The following CSPG4 variants were observed in gnomAD, a reference collection of about 807,000 sequenced individuals.
The protein encoded by CSPG4 is chondroitin sulfate proteoglycan 4, also known as chondroitin sulfate proteoglycan 4 (melanoma-associated).
CSPG4 carries 74 observed loss-of-function variants against 139.3 expected under a neutral mutation model. The observed-to-expected ratio is 0.53, with a 90% CI of 0.44 to 0.64. The LOEUF is 0.64. Ranked by LOEUF, CSPG4 falls within the 30% of genes least tolerant of loss-of-function variation. The pLI, the probability that CSPG4 is intolerant of heterozygous loss-of-function variation, is 0.00. For missense variants in CSPG4, 2,565 were observed against 3,148.3 expected, an observed-to-expected ratio of 0.81 and a Z score of 4.43; for synonymous variants, 1,234 against 1,394.2, an observed-to-expected ratio of 0.89 and a Z score of 2.56.
Position 75,684,795 on chromosome 15 carries a change from C to A in CSPG4, c.4390G>T (p.Val1464Phe). ...TGGTCATTGACAGGCAGGACAGTGA[C>A]AGTGAAGGCCACAGGATGGCTCTGG... ...DRQSHPVAFT[V>F]TVLPVNDQPP... The change falls in exon 5 of 10, where the codon GTC becomes TTC. Residue 1464 changes from valine (V) to phenylalanine (F), a missense_variant. This residue lies in a region of CSPG4 where 2,316 missense variants were observed against 2,818.2 expected (regional missense o/e 0.82). Transcript: ENST00000308508. 6.2e-7 allele frequency: 1 copy of A among 1,613,684 alleles called. No individual in the cohort carries two copies. The highest frequency in any genetic ancestry group is 8.5e-7 in the Non-Finnish European group (1 of 1,179,894).
chr15:75,685,752 A>C, intron 3 of CSPG4, 51 bp from the exon 4 acceptor site: 1 of 1,534,890 alleles, frequency 6.5e-7, no homozygotes, highest in Non-Finnish European at 8.7e-7. Context: ...AGGGGGTCTC[A>C]GAGGGGTCCA....
In CSPG4 at chr15:75,675,124, AG is replaced by A. The variant is rs1893870845; in HGVS notation, c.*425del. On this transcript the variant is annotated 3_prime_UTR_variant, in exon 10 of 10. Coordinates refer to ENST00000308508, the MANE Select transcript of CSPG4 (RefSeq NM_001897.5). ...TGGCCTGGGTTGGAGTGGAAAAGCC[AG>A]GAATAGCTTCCTCTGTCCCTTCCCT... The A allele has an allele frequency of 6.1e-6, 2 of 326,074 alleles. No homozygotes were observed. The highest frequency in any genetic ancestry group is 1.1e-5 in the Non-Finnish European group (2 of 180,394). The allele number at this position is 326,074 out of a possible 1,614,324, so 20.2% of individuals were successfully genotyped here.
At chr15:75,695,136 T>C (rs1451820288) in intron 1 of CSPG4, among the ~76,000 whole-genome samples, 4 of 152,146 alleles carry the variant, frequency 2.6e-5, no homozygotes, top group African/African-American at 7.2e-5. Flanking sequence ...AGAAAGCCCA[T>C]TGCTAAACAT....
chr15:75,676,923 C>A lies in CSPG4; in HGVS notation c.5596G>T (p.Gly1866Trp). 6.4e-7 allele frequency: 1 copy of A among 1,559,534 alleles called. No homozygotes were observed. Among genetic ancestry groups the A allele is most frequent in the Non-Finnish European group, 8.7e-7 (1 of 1,151,596 alleles). ...CGCTGGACCTCGTACTCAATCTCCCCAGGAGCTGAGTCTGGGTCCACCACA... is the reference window on the plus strand; with the variant it reads ...CGCTGGACCTCGTACTCAATCTCCCAAGGAGCTGAGTCTGGGTCCACCACA... ...LSVVDPDSAPGEIEYEVQRAP... is the reference protein window; with the variant it reads ...LSVVDPDSAPWEIEYEVQRAP... Residue 1866 changes from glycine (G) to tryptophan (W), a missense_variant, in exon 10 of 10, where the codon GGG becomes TGG. Gly to Trp is a radical substitution (Grantham distance 184, BLOSUM62 -2). Coordinates refer to ENST00000308508, the MANE Select transcript of CSPG4 (RefSeq NM_001897.5).
chr15:75,682,175 G>T (rs1408178657), intron 8 of CSPG4, 118 bp downstream of exon 8: 31 of 1,319,366 alleles, frequency 2.3e-5, no homozygotes, highest in Middle Eastern at 2.6e-4. Context: ...TGGCAGGCCC[G>T]GGAACGTCTG....
intron 1 of CSPG4, among the ~76,000 whole-genome samples, chr15:75,700,223 T>C (rs1238430558): frequency 2.6e-5 from 4 of 151,930 alleles, no homozygotes; most frequent in Non-Finnish European, 4.4e-5. Context: ...CAGAGAGGCG[T>C]GGTGGGTTTG....
rs774673878 is a variant in CSPG4, at chr15:75,689,552, G to A, written c.1513C>T (p.Arg505Cys). ...TCCTCAGAGCCATCGTGGATGAAGC[G>A]GGCCTTGCGGTTCACCACGTCCAGG... ...TLLDVVNRKA[R>C]FIHDGSEDTS... The change falls in exon 3 of 10, where the codon CGC becomes TGC. Residue 505 changes from arginine to cysteine, a missense_variant. Physicochemically the swap from Arg to Cys is radical, Grantham distance 180 (BLOSUM62 -3). Transcript: ENST00000308508. 15 of 1,612,736 alleles carry A rather than the reference G, an allele frequency of 9.3e-6. No individual in the cohort carries two copies. Among genetic ancestry groups the A allele is most frequent in the South Asian group, 2.2e-5 (2 of 91,070 alleles).
At chr15:75,677,981 T>A in intron 8 of CSPG4, 95 bp from the exon 9 acceptor site, 1 of 1,204,200 alleles carries the variant, frequency 8.3e-7, no homozygotes, top group Non-Finnish European at 1.1e-6. Flanking sequence ...CTCTGGGCTC[T>A]CCTGGGTGTG....
intron 1 of CSPG4, among the ~76,000 whole-genome samples, chr15:75,709,246 G>A (rs1415338066): frequency 2.0e-5 from 3 of 152,184 alleles, no homozygotes; most frequent in Non-Finnish European, 2.9e-5. Context: ...CCTGCCCTAA[G>A]CCTGCAGCTG....
intron 1 of CSPG4, among the ~76,000 whole-genome samples, chr15:75,707,204 G>C (rs753438233): frequency 1.3e-5 from 2 of 152,074 alleles, no homozygotes; most frequent in Non-Finnish European, 2.9e-5. Context: ...TGACCTGCCT[G>C]CCTCAGCCTC....
chr15:75,690,401 C>T lies in CSPG4; in HGVS notation c.664G>A (p.Asp222Asn), dbSNP rs1371835998. 3 of 1,608,996 alleles carry T rather than the reference C, an allele frequency of 1.9e-6. No individual in the cohort carries two copies. The highest frequency in any genetic ancestry group is 2.7e-5 in the African/African-American group (2 of 74,848). Residue 222 changes from aspartate to asparagine, a missense_variant, in exon 3 of 10, where the codon GAC becomes AAC. This residue lies in a region of CSPG4 where 40 missense variants were observed against 89.0 expected (regional missense o/e 0.45). Transcript: ENST00000308508. ...LAAFPAWGTQ[D>N]EGTLEFTLTT... ...AGTGTAAACTCTAGGGTTCCTTCGT[C>T]CTGAGTGCCCCAGGCAGGGAAGGCA... is the stretch of plus-strand genomic sequence containing the variant.
At chr15:75,702,230 C>A (rs1481571168) in intron 1 of CSPG4, among the ~76,000 whole-genome samples, 1 of 152,230 alleles carries the variant, frequency 6.6e-6, no homozygotes, top group Non-Finnish European at 1.5e-5. Context: ...GGACACTCCA[C>A]GCCTCCGTCT....
At chr15:75,710,828 C>T (rs1005402188) in intron 1 of CSPG4, among the ~76,000 whole-genome samples, 11 of 151,970 alleles carry the variant, frequency 7.2e-5, no homozygotes, top group African/African-American at 2.7e-4. Context: ...CGGGAGCTCT[C>T]ACAGCCCCTC....
chr15:75,682,679 A>C lies in CSPG4; in HGVS notation c.4711T>G (p.Phe1571Val), dbSNP rs148389768. The C allele has an allele frequency of 4.8e-5, 78 of 1,612,956 alleles. No individual in the cohort carries two copies. Among genetic ancestry groups the C allele is most frequent in the Non-Finnish European group, 6.3e-5 (74 of 1,180,020 alleles). ...SDGEHTSPGH[F>V]FRVTAQKQVL... The stretch of plus-strand genomic sequence containing the variant: ...TGCTTCTGGGCCGTCACTCGGAAGA[A>C]GTGTCCGGGGGAAGTGTGCTCGCCG... The change falls in exon 7 of 10, where the codon TTC (phenylalanine) becomes GTC (valine). Residue 1571 changes from phenylalanine (F) to valine (V), a missense_variant. Physicochemically the swap from Phe to Val is conservative, Grantham distance 50. This residue lies in a region of CSPG4 where 2,316 missense variants were observed against 2,818.2 expected (regional missense o/e 0.82). Coordinates refer to ENST00000308508, the MANE Select transcript of CSPG4 (RefSeq NM_001897.5).
In CSPG4 at chr15:75,696,473, G is replaced by C. The variant is rs1894228608; in HGVS notation, c.89-3240C>G. ...GCAAGCATGTGGGTGGCTGCTGGGGGTGTGCTTTGGGTTTGCGTAAGGCTG... is the reference window on the plus strand; with the variant it reads ...GCAAGCATGTGGGTGGCTGCTGGGGCTGTGCTTTGGGTTTGCGTAAGGCTG... On this transcript the variant is annotated intron_variant, in intron 1 of 9. Transcript: ENST00000308508. The surrounding 1 kb of genome is among the most constrained non-coding windows in gnomAD (Gnocchi z 4.2). Among the ~76,000 whole-genome samples the C allele has an allele frequency of 6.6e-6, 1 of 152,064 alleles. No homozygotes were observed. The highest frequency in any genetic ancestry group is 2.4e-5 in the African/African-American group (1 of 41,386).
Position 75,675,955 on chromosome 15 carries a change from C to T in CSPG4, c.6564G>A (p.Lys2188=). 6.3e-7 allele frequency: 1 copy of T among 1,585,458 alleles called. No homozygotes were observed. The highest frequency in any genetic ancestry group is 1.1e-5 in the South Asian group (1 of 89,476). The change falls in exon 10 of 10, where the codon AAG becomes AAA. Residue 2188 remains lysine (K), a synonymous_variant. Transcript: ENST00000308508. ...VPEAARTEAG[K]PESSTPTGEP... is the part of the protein sequence containing the mutation. ...CGCCTGTGGGGGTGCTGCTCTCTGG[C>T]TTCCCTGCTTCCGTCCGGGCGGCCT...
intron 1 of CSPG4, among the ~76,000 whole-genome samples, chr15:75,704,946 T>C (rs1447598220): frequency 6.6e-6 from 1 of 152,160 alleles, no homozygotes; most frequent in Non-Finnish European, 1.5e-5. Context: ...AGAGAGGGAC[T>C]CGCGAGGGGT....
In CSPG4 at chr15:75,677,828, G is replaced by A. The variant is rs777431098; in HGVS notation, c.5009C>T (p.Ala1670Val). Residue 1670 changes from alanine to valine, a missense_variant, in exon 9 of 10, where the codon GCC becomes GTC. Coordinates refer to ENST00000308508, the MANE Select transcript of CSPG4 (RefSeq NM_001897.5). ...HEMPPEPFWE[A>V]HDTLELQLSS... The stretch of plus-strand genomic sequence containing the variant: ...CAGCTGGAGCTCTAGGGTATCATGG[G>A]CCTCCCAAAAGGGCTCGGGGGGCAT... 5.0e-6 allele frequency: 8 copies of A among 1,612,798 alleles called. No individual in the cohort carries two copies. Among genetic ancestry groups the A allele is most frequent in the Non-Finnish European group, 6.8e-6 (8 of 1,179,440 alleles).
intron 1 of CSPG4, among the ~76,000 whole-genome samples, chr15:75,706,018 T>G (rs113897156): frequency 8.8e-4 from 134 of 152,320 alleles, no homozygotes; most frequent in African/African-American, 3.0e-3. Flanking sequence ...TGTGTGTGTG[T>G]GGCTAGGCCT....
Sources: allele counts gnomAD v4.1 joint callset (sites outside exome capture counted in the v4.1 genomes callset), GRCh38; gene constraint gnomAD v4.1.1; regional missense constraint gnomAD v4.1.1; non-coding constraint Gnocchi (gnomAD v3.1); transcripts MANE v1.5; gene names NCBI Gene and HGNC (gene_info 2026-07-23, HGNC 2026-07-21).